SLC12A6: variants seen among roughly 807,000 people sequenced by gnomAD.
SLC12A6 encodes the protein K-Cl cotransporter 3.
Under a neutral mutation model 135.3 loss-of-function variants are expected in SLC12A6, and 66 were observed. The ratio of observed to expected loss-of-function variants is 0.49; its 90% CI spans 0.40 to 0.60. The LOEUF is 0.60. SLC12A6 is among the 20% of genes least tolerant of loss of function. SLC12A6 has a pLI of 0.00. For missense variants in SLC12A6, 1,058 were observed against 1,452.3 expected (o/e 0.73, Z 4.41); for synonymous variants, 513 against 508.8 (o/e 1.01, Z -0.11).
chr15:34,262,555 C>T (rs1250205392), intron 3 of SLC12A6, among the ~76,000 whole-genome samples: 3 of 152,128 alleles, frequency 2.0e-5, no homozygotes, highest in South Asian at 2.1e-4. Flanking sequence ...CCCCACGCGA[C>T]GGGAAGCAGC....
chr15:34,309,705 T>C (rs1358047484), intron 2 of SLC12A6, among the ~76,000 whole-genome samples: 1 of 152,164 alleles, frequency 6.6e-6, no homozygotes, highest in Non-Finnish European at 1.5e-5. Context: ...TGGGAAGATA[T>C]TTCAGAGAGG....
intron 2 of SLC12A6, among the ~76,000 whole-genome samples, chr15:34,282,932 CTG>C (rs1894783883): frequency 6.6e-6 from 1 of 152,170 alleles, no homozygotes; most frequent in Non-Finnish European, 1.5e-5. Flanking sequence ...TCAACCATTC[CTG>C]TGTTTAAATA....
At chr15:34,314,049 ATTT>A (rs199648925) in intron 2 of SLC12A6, among the ~76,000 whole-genome samples, 44 of 140,492 alleles carry the variant, frequency 3.1e-4, no homozygotes, top group Non-Finnish European at 4.5e-4. Flanking sequence ...TGGTTTATTG[ATTT>A]TTTTTTTTTT....
intron 2 of SLC12A6, among the ~76,000 whole-genome samples, chr15:34,310,562 T>A (rs550318029): frequency 1.8e-4 from 20 of 112,488 alleles, no homozygotes; most frequent in Non-Finnish European, 2.6e-4. Flanking sequence ...TGTGTGTGTG[T>A]GTGTGTGTAT....
At position 34,264,973 on chromosome 15, in the gene SLC12A6, A is replaced by G. The variant is rs372835110; in HGVS notation, c.317-3953T>C. 9.9e-5 allele frequency among the ~76,000 whole-genome samples: 15 copies of G among 152,250 alleles called. No homozygotes were observed. In the East Asian group the frequency reaches 2.7e-3, roughly 27 times the overall value. ...ACACTTTAGGAGGCCGAGGCGGGCG[A>G]ATCACGAGGTCAGGAGATTGAGACC... On this transcript the variant is annotated intron_variant, in intron 3 of 25. Coordinates refer to ENST00000354181, the MANE Select transcript of SLC12A6 (RefSeq NM_001365088.1).
intron 1 of SLC12A6, chr15:34,337,092 G>A (rs1890250148): frequency 3.2e-6 from 1 of 315,512 alleles, no homozygotes; most frequent in Non-Finnish European, 6.1e-6. Context: ...TCCTTTATCT[G>A]GTGAGTGTCC....
rs79504282 is a variant in SLC12A6, at chr15:34,330,858, A to G, written c.271+5552T>C. ...AAGGTAATAGTCCATCCTGGCCAAC[A>G]TAGTGAAACCCTATCTCCACTAAAA... On this transcript the variant is annotated intron_variant, in intron 2 of 25. Transcript: ENST00000354181. 2.0e-4 allele frequency among the ~76,000 whole-genome samples: 31 copies of G among 152,240 alleles called. No homozygotes were observed. In the East Asian group the frequency reaches 5.6e-3, roughly 28 times the overall value.
chr15:34,289,249 G>T lies in SLC12A6; in HGVS notation c.272-13860C>A, dbSNP rs576791918. Among the ~76,000 whole-genome samples the T allele has an allele frequency of 8.9e-4, 135 of 152,264 alleles. 1 individual carries two copies. Among genetic ancestry groups the T allele is most frequent in the African/African-American group, 2.9e-3 (122 of 41,546 alleles). ...CTGCATCTGTTGAGATAATCATGTG[G>T]TTTTTGTCATTGGTTCTGTTTATAT... On this transcript the variant is annotated intron_variant, in intron 2 of 25. Transcript: ENST00000354181.
chr15:34,335,117 A>G (rs1481058135), intron 2 of SLC12A6, among the ~76,000 whole-genome samples: 2 of 152,246 alleles, frequency 1.3e-5, no homozygotes, highest in African/African-American at 2.4e-5. Flanking sequence ...ATTTGGAGGA[A>G]GAGGAAATGA....
intron 2 of SLC12A6, among the ~76,000 whole-genome samples, chr15:34,323,908 G>A (rs1056544878): frequency 5.5e-5 from 8 of 145,560 alleles, no homozygotes; most frequent in African/African-American, 1.8e-4. Context: ...GCCACTGCAC[G>A]CCAGCCTAGG....
At chr15:34,266,969 C>T (rs942516747) in intron 3 of SLC12A6, among the ~76,000 whole-genome samples, 2 of 151,990 alleles carry the variant, frequency 1.3e-5, no homozygotes, top group Non-Finnish European at 2.9e-5. Flanking sequence ...TTCTCTATGA[C>T]TCATTCTCAT....
chr15:34,234,103 T>C (rs1891094643), intron 25 of SLC12A6, 131 bp from the exon 26 acceptor site: 1 of 691,476 alleles, frequency 1.4e-6, no homozygotes, highest in African/African-American at 1.8e-5. Flanking sequence ...CAGAAAAGTC[T>C]GAACTTTGGA....
At chr15:34,325,023 T>A (rs1376760099) in intron 2 of SLC12A6, among the ~76,000 whole-genome samples, 1 of 152,158 alleles carries the variant, frequency 6.6e-6, no homozygotes, top group African/African-American at 2.4e-5. Context: ...TATGCAAGTT[T>A]CTAAAAACTC....
intron 8 of SLC12A6, 90 bp from the exon 9 acceptor site, chr15:34,254,679 A>C: frequency 2.0e-6 from 2 of 1,000,914 alleles, no homozygotes; most frequent in East Asian, 2.4e-5. Context: ...TTCACAAAAG[A>C]AAGCAAAGCT....
rs550683817 is a variant in SLC12A6, at chr15:34,249,160, A to G, written c.1649+1138T>C. On this transcript the variant is annotated intron_variant, in intron 13 of 25. Coordinates refer to ENST00000354181, the MANE Select transcript of SLC12A6 (RefSeq NM_001365088.1). The stretch of plus-strand genomic sequence containing the variant: ...ATTAGAGGCTAGAACTAAAAGGGAG[A>G]TTATTACAATAACATAGGCAAAAAT... Among the ~76,000 whole-genome samples, 344 of 152,314 alleles carry G rather than the reference A, an allele frequency of 2.3e-3. 2 individuals are homozygous for G. Among genetic ancestry groups the G allele is most frequent in the South Asian group, 3.7e-3 (18 of 4,828 alleles).
Position 34,257,960 on chromosome 15 carries a change from A to G in SLC12A6, c.544-172T>C. On this transcript the variant is annotated intron_variant, in intron 5 of 25. Transcript: ENST00000354181. ...TAAAATCTCCATCTTTCAAGTGTTT[A>G]TCACCATACTTTTATTATTCCTAAA... is the stretch of plus-strand genomic sequence containing the variant. 1.2e-5 allele frequency: 7 copies of G among 601,598 alleles called. No individual in the cohort carries two copies. In the South Asian group the frequency reaches 1.4e-4, roughly 12 times the overall value. 37.3% of individuals were successfully genotyped at this position (601,598 alleles called of 1,614,324 possible). A position where few individuals can be genotyped will look rare whatever the true frequency, so the allele number is the denominator to read the frequency against.
intron 1 of SLC12A6, 168 bp downstream of exon 1, chr15:34,337,164 T>A (rs1428241005): frequency 8.1e-6 from 2 of 246,114 alleles, no homozygotes; most frequent in East Asian, 1.1e-4. Context: ...ATAGCGTGGA[T>A]CAGATTGCTA....
In SLC12A6 at chr15:34,325,063, T is replaced by C. The variant is rs115691314; in HGVS notation, c.271+11347A>G. On this transcript the variant is annotated intron_variant, in intron 2 of 25. Transcript: ENST00000354181. Reference sequence around the variant, plus strand: ...TCTGAACTTATCTCCTCACAAATAATAAACAGCTCATGGGCCAGCACTGTC... The same window carrying C: ...TCTGAACTTATCTCCTCACAAATAACAAACAGCTCATGGGCCAGCACTGTC... Among the ~76,000 whole-genome samples, 1,349 of 152,248 alleles carry C rather than the reference T, an allele frequency of 8.9e-3. 14 individuals carry two copies. The highest frequency in any genetic ancestry group is 0.03 in the African/African-American group (1,261 of 41,550).
chr15:34,322,823 C>A (rs996606460), intron 2 of SLC12A6, among the ~76,000 whole-genome samples: 1 of 151,364 alleles, frequency 6.6e-6, no homozygotes, highest in African/African-American at 2.4e-5. Context: ...ACTAAAAACA[C>A]AAAAATTAGC....
Sources: allele counts gnomAD v4.1 joint callset (sites outside exome capture counted in the v4.1 genomes callset), GRCh38; gene constraint gnomAD v4.1.1; transcripts MANE v1.5; gene names NCBI Gene and HGNC (gene_info 2026-07-23, HGNC 2026-07-21).